The following NARS1 variants were observed in gnomAD, a reference collection of about 807,000 sequenced individuals.
The protein encoded by NARS1 is asparaginyl-tRNA synthetase 1, also known as asparagine--tRNA ligase, cytoplasmic.
Under a neutral mutation model 79.2 loss-of-function variants are expected in NARS1, and 65 were observed. The ratio of observed to expected loss-of-function variants is 0.82; its 90% confidence interval spans 0.67 to 1.01. The LOEUF is 1.01. Ranked by LOEUF, NARS1 falls within the 50% of genes least tolerant of loss-of-function variation. The pLI is 0.00. For synonymous variants in NARS1, 229 were observed against 238.8 expected (o/e 0.96, Z 0.38); for missense variants, 649 against 673.8 (o/e 0.96, Z 0.41).
chr18:57,613,748 A>G, intron 4 of NARS1, 68 bp from the exon 5 acceptor site: 1 of 1,297,014 alleles, frequency 7.7e-7, no homozygotes, highest in Non-Finnish European at 1.1e-6. Context: ...TTTCACTAAT[A>G]TTAGGCAGAC....
Position 57,607,184 on chromosome 18 carries a change from A to G in NARS1, c.951T>C (p.Ile317=), listed in dbSNP as rs1398427098. 6.2e-7 allele frequency: 1 copy of G among 1,614,022 alleles called. No homozygotes were observed. The highest frequency in any genetic ancestry group is 8.5e-7 in the Non-Finnish European group (1 of 1,180,034). ...ACTGCTCTGCCCGGTATGACTGAGC[A>G]ATACAAAAAACATCTCCCAGGGCTG... The part of the protein sequence containing the change: ...CLPALGDVFC[I]AQSYRAEQSR... Residue 317 remains isoleucine (I), a synonymous_variant, in exon 9 of 14, where the codon ATT becomes ATC. Coordinates refer to ENST00000256854, the MANE Select transcript of NARS1 (RefSeq NM_004539.4).
At chr18:57,614,887 GA>G (rs1242537739) in intron 4 of NARS1, among the ~76,000 whole-genome samples, 1 of 152,146 alleles carries the variant, frequency 6.6e-6, no homozygotes, top group Non-Finnish European at 1.5e-5. Flanking sequence ...CTTCTGAAAG[GA>G]AAGTAGGCCA....
intron 2 of NARS1, among the ~76,000 whole-genome samples, chr18:57,618,744 A>G (rs572511389): frequency 3.1e-4 from 47 of 152,094 alleles, no homozygotes; most frequent in Non-Finnish European, 6.0e-4. Flanking sequence ...TCTACAAATA[A>G]GAAACAAATT....
At chr18:57,606,823 A>G in intron 9 of NARS1, 72 bp from the exon 10 acceptor site, 1 of 1,579,862 alleles carries the variant, frequency 6.3e-7, no homozygotes, top group Non-Finnish European at 8.6e-7. Flanking sequence ...GGCTTTTAAC[A>G]TTGGGAAGCT....
intron 6 of NARS1, 34 bp from the exon 7 acceptor site, chr18:57,609,477 C>T: frequency 6.4e-7 from 1 of 1,559,066 alleles, no homozygotes; most frequent in Non-Finnish European, 8.8e-7. Flanking sequence ...TTTAGTTATT[C>T]ACATTGATTT....
At chr18:57,610,978 T>G (rs999508872) in intron 6 of NARS1, among the ~76,000 whole-genome samples, 2 of 151,034 alleles carry the variant, frequency 1.3e-5, no homozygotes, top group Non-Finnish European at 3.0e-5. Flanking sequence ...TTTTTTTTTT[T>G]TTTTTTGAGA....
chr18:57,606,666 C>G lies in NARS1; in HGVS notation c.1087G>C (p.Asp363His). The G allele has an allele frequency of 6.2e-7, 1 of 1,614,112 alleles. No individual in the cohort carries two copies. Among genetic ancestry groups the G allele is most frequent in the Non-Finnish European group, 8.5e-7 (1 of 1,180,000 alleles). ...CCTGCAGGTGACTTCAATATTCGAT[C>G]TACCACATCACAAACCAAGTCCTCC... ...RLEDLVCDVV[D>H]RILKSPAGSI... is the part of the protein sequence containing the mutation. Residue 363 changes from aspartate (D) to histidine (H), a missense_variant, in exon 10 of 14, where the codon GAT (aspartate) becomes CAT (histidine). Coordinates refer to ENST00000256854, the MANE Select transcript of NARS1 (RefSeq NM_004539.4).
chr18:57,607,105 A>G (rs1177508870), intron 9 of NARS1, 29 bp downstream of exon 9: 13 of 1,573,462 alleles, frequency 8.3e-6, no homozygotes, highest in Middle Eastern at 1.7e-4. Context: ...TTACCTAGAA[A>G]GAAATAAAAC....
intron 5 of NARS1, among the ~76,000 whole-genome samples, chr18:57,612,078 G>C (rs1599036602): frequency 6.6e-6 from 1 of 152,084 alleles, no homozygotes; most frequent in Admixed American, 6.6e-5. Context: ...TTATCTAAAG[G>C]AAACTCCAAG....
intron 6 of NARS1, among the ~76,000 whole-genome samples, chr18:57,610,245 G>A (rs1406293147): frequency 1.3e-5 from 2 of 152,104 alleles, no homozygotes; most frequent in Non-Finnish European, 2.9e-5. Flanking sequence ...GCCGAGGCGG[G>A]TGGATCACCT....
chr18:57,606,916 T>G, intron 9 of NARS1, 165 bp from the exon 10 acceptor site: 1 of 959,378 alleles, frequency 1.0e-6, no homozygotes, highest in Non-Finnish European at 1.5e-6. Context: ...GAGTAGCAAT[T>G]TCTTGTTTGC....
At chr18:57,621,603 G>A (rs1908306680) in intron 1 of NARS1, 105 bp downstream of exon 1, 2 of 640,326 alleles carry the variant, frequency 3.1e-6, no homozygotes, top group East Asian at 4.4e-5. Flanking sequence ...AAACATTCGC[G>A]GGGCGCCCAC....
chr18:57,602,474 T>G lies in NARS1; in HGVS notation c.1396A>C (p.Met466Leu), dbSNP rs2051516809. The G allele has an allele frequency of 6.2e-7, 1 of 1,613,878 alleles. No individual in the cohort carries two copies. The highest frequency in any genetic ancestry group is 8.5e-7 in the Non-Finnish European group (1 of 1,179,844). ...SRLTESVDVL[M>L]PNVGEIVGGS... is the part of the protein sequence containing the mutation. ...CCCACAATCTCACCAACATTGGGCA[T>G]CAACACGTCGACCTTTAAATATAAG... Residue 466 changes from methionine to leucine, a missense_variant, in exon 13 of 14, where the codon ATG becomes CTG. Coordinates refer to ENST00000256854, the MANE Select transcript of NARS1 (RefSeq NM_004539.4).
chr18:57,601,856 T>C, intron 13 of NARS1, 73 bp from the exon 14 acceptor site: 1 of 1,530,004 alleles, frequency 6.5e-7, no homozygotes, highest in Non-Finnish European at 9.0e-7. Context: ...CAGTTAAAAT[T>C]TTCCACCATG....
rs373586196 is a variant in NARS1 at position 57,606,629 on chromosome 18, T to C, written c.1124A>G (p.His375Arg). ...CACTGCACCTACCGGGTTGAGCTCA[T>C]GCACTATGCTCCCTGCAGGTGACTT... is the stretch of plus-strand genomic sequence containing the variant. ...ILKSPAGSIV[H>R]ELNPNFQPPK... Residue 375 changes from histidine (H) to arginine (R), a missense_variant, in exon 10 of 14, where the codon CAT (histidine) becomes CGT (arginine). Transcript: ENST00000256854. 6 of 1,613,890 alleles carry C rather than the reference T, an allele frequency of 3.7e-6. No individual in the cohort carries two copies. The highest frequency in any genetic ancestry group is 2.7e-5 in the African/African-American group (2 of 74,922).
At chr18:57,612,419 T>G (rs2051611550) in intron 5 of NARS1, among the ~76,000 whole-genome samples, 1 of 152,182 alleles carries the variant, frequency 6.6e-6, no homozygotes, top group Non-Finnish European at 1.5e-5. Flanking sequence ...ACATTTCATT[T>G]GTATTTTTGT....
chr18:57,603,026 TTCC>T, intron 11 of NARS1, 83 bp from the exon 12 acceptor site: 3 of 1,381,898 alleles, frequency 2.2e-6, no homozygotes, highest in Non-Finnish European at 3.0e-6. Flanking sequence ...GTACCAGTCC[TTCC>T]TCCTATCAAT....
intron 9 of NARS1, 31 bp downstream of exon 9, chr18:57,607,103 A>G (rs1286866365): frequency 1.3e-6 from 2 of 1,567,644 alleles, no homozygotes; most frequent in Admixed American, 3.8e-5. Context: ...TATTACCTAG[A>G]AAGAAATAAA....
At chr18:57,619,215 C>T (rs920362811) in intron 2 of NARS1, among the ~76,000 whole-genome samples, 1 of 151,082 alleles carries the variant, frequency 6.6e-6, no homozygotes, top group Non-Finnish European at 1.5e-5. Flanking sequence ...CTATCTCAGT[C>T]TCCCGAGTAG....
Sources: gnomAD v4.1 joint callset for allele counts (sites outside exome capture counted in the v4.1 genomes callset) on GRCh38, gnomAD v4.1.1 for gene constraint, MANE v1.5 for transcripts, NCBI Gene and HGNC (gene_info 2026-07-23, HGNC 2026-07-21) for gene names.